BANP: variants seen among roughly 807,000 people sequenced by gnomAD.
BANP encodes the protein protein BANP.
In BANP, 11 loss-of-function variants were observed where a neutral mutation model predicts 68.1. The observed-to-expected ratio is 0.16, with a 90% CI of 0.10 to 0.27. BANP has a LOEUF of 0.27. Among genes scored for constraint, BANP ranks in the 10% least tolerant of loss-of-function variants. The pLI is 1.00. For missense variants in BANP, 504 were observed against 722.7 expected, an observed-to-expected ratio of 0.70 and a Z score of 3.47; for synonymous variants, 329 against 303.2, an observed-to-expected ratio of 1.09 and a Z score of -0.88.
chr16:88,004,261 CCTT>C lies in BANP; in HGVS notation c.363-30_363-28del, dbSNP rs559445754. 1.8e-5 allele frequency: 23 copies of C among 1,273,072 alleles called. No individual in the cohort carries two copies. The East Asian group carries it at 5.3e-4, about 29-fold the overall frequency. The allele number at this position is 1,273,072 out of a possible 1,614,324, so 78.9% of individuals were successfully genotyped here. ...TACCATGAATGTTGTTGTTTTAAGG[CCTT>C]CTTTTTCTTTGTGATTCTTTTGTTC... is the stretch of plus-strand genomic sequence containing the variant. On this transcript the variant is annotated intron_variant, in intron 4 of 13. Transcript: ENST00000682872. The surrounding 1 kb of genome is among the most constrained non-coding windows in gnomAD (Gnocchi z 7.0).
Position 88,071,969 on chromosome 16 carries a change from G to T in BANP, c.1378-100G>T. 1 of 1,474,260 alleles carries T rather than the reference G, an allele frequency of 6.8e-7. No homozygotes were observed. The highest frequency in any genetic ancestry group is 9.1e-7 in the Non-Finnish European group (1 of 1,093,022). The allele number at this position is 1,474,260 out of a possible 1,614,324, so 91.3% of individuals were successfully genotyped here. ...CCGTGTCCCTGCCGCTCAGGGGACA[G>T]CACGTGTGGGCTGGGGTCTGCGGTC... On this transcript the variant is annotated intron_variant, in intron 12 of 13. Coordinates refer to ENST00000682872, the MANE Select transcript of BANP (RefSeq NM_001386991.1). This position sits in a 1 kb window ranked among gnomAD's most constrained non-coding sequence, Gnocchi z 6.5.
intron 1 of BANP, among the ~76,000 whole-genome samples, chr16:87,967,663 C>T (rs1478560686): frequency 1.4e-5 from 2 of 143,702 alleles, no homozygotes; most frequent in African/African-American, 5.2e-5. Flanking sequence ...ACTCTGTCGC[C>T]CAGGCTGGAG....
chr16:87,995,544 A>G (rs1237840566), intron 4 of BANP, among the ~76,000 whole-genome samples: 1 of 152,328 alleles, frequency 6.6e-6, no homozygotes, highest in East Asian at 1.9e-4. Flanking sequence ...AATTCATAAA[A>G]ATTAGAAAAG....
chr16:87,957,251 C>G lies in BANP; in HGVS notation c.-69+5736C>G, dbSNP rs1176939040. ...GGCGCGGTGCTCCATTCGGAACCCA[C>G]AGGTCGCCAGCTTACAGCGTGGGAG... is the stretch of plus-strand genomic sequence containing the variant. On this transcript the variant is annotated intron_variant, in intron 1 of 13. Transcript: ENST00000682872. The surrounding 1 kb of genome is among the most constrained non-coding windows in gnomAD (Gnocchi z 4.3). 2.0e-5 allele frequency among the ~76,000 whole-genome samples: 3 copies of G among 152,208 alleles called. No homozygotes were observed. The highest frequency in any genetic ancestry group is 4.4e-5 in the Non-Finnish European group (3 of 68,048).
chr16:88,063,869 C>A (rs1468771152), intron 11 of BANP, among the ~76,000 whole-genome samples: 2 of 152,086 alleles, frequency 1.3e-5, no homozygotes, highest in Non-Finnish European at 2.9e-5. Context: ...GGTAGGCATA[C>A]CCAAGTGGTG....
At chr16:88,073,006 C>T (rs1426262700) in intron 13 of BANP, among the ~76,000 whole-genome samples, 4 of 152,216 alleles carry the variant, frequency 2.6e-5, no homozygotes, top group Admixed American at 1.3e-4. Context: ...GCTGGTGATC[C>T]ACCTGTGTCT....
At chr16:88,033,618 T>G (rs1036108310) in intron 9 of BANP, among the ~76,000 whole-genome samples, 5 of 152,166 alleles carry the variant, frequency 3.3e-5, no homozygotes, top group African/African-American at 1.2e-4. Flanking sequence ...GTGCAGGCGC[T>G]CTCTTACTGA....
chr16:88,035,876 A>G (rs1273390184), intron 10 of BANP, among the ~76,000 whole-genome samples: 1 of 152,226 alleles, frequency 6.6e-6, no homozygotes, highest in Non-Finnish European at 1.5e-5. Context: ...GCCAGTCCTG[A>G]GAGCTGCTCA....
chr16:87,992,269 A>G (rs2066052003), intron 4 of BANP, among the ~76,000 whole-genome samples: 1 of 152,172 alleles, frequency 6.6e-6, no homozygotes, highest in South Asian at 2.1e-4. Context: ...ATATTTAATG[A>G]AGAGTTTTTG....
intron 6 of BANP, among the ~76,000 whole-genome samples, chr16:88,015,714 G>A (rs993601722): frequency 2.6e-5 from 4 of 152,372 alleles, no homozygotes; most frequent in Non-Finnish European, 4.4e-5. Context: ...CCGAGGTCTC[G>A]CGCTCCAGGA....
intron 6 of BANP, among the ~76,000 whole-genome samples, chr16:88,016,410 T>C (rs1421302634): frequency 6.6e-6 from 1 of 152,192 alleles, no homozygotes; most frequent in Non-Finnish European, 1.5e-5. Context: ...CTTCAGATCT[T>C]GGAGACTGGA....
At chr16:88,021,478 G>T (rs561213883) in intron 7 of BANP, among the ~76,000 whole-genome samples, 1 of 152,226 alleles carries the variant, frequency 6.6e-6, no homozygotes, top group Non-Finnish European at 1.5e-5. Flanking sequence ...CCACAGGGCC[G>T]TGTGGAGGGG....
rs1364791333 is a variant in BANP, at chr16:87,984,085, C to T, written c.188C>T (p.Thr63Ile). 5 of 1,614,070 alleles carry T rather than the reference C, an allele frequency of 3.1e-6. No individual in the cohort carries two copies. The highest frequency in any genetic ancestry group is 4.2e-6 in the Non-Finnish European group (5 of 1,179,978). ...TCATTCCTGTATTCCATCAACCAGACAATCTGCTTGCGGTTGGATAGCATT... is the reference window on the plus strand; with the variant it reads ...TCATTCCTGTATTCCATCAACCAGATAATCTGCTTGCGGTTGGATAGCATT... ...IKSFLYSINQ[T>I]ICLRLDSIEA... Residue 63 changes from threonine to isoleucine, a missense_variant, in exon 4 of 14, where the codon ACA (threonine) becomes ATA (isoleucine). Physicochemically the swap from Thr to Ile is moderately conservative, Grantham distance 89 (BLOSUM62 -1). Around this residue, in one of 3 missense-constraint regions of BANP, gnomAD observed 238 missense variants for 278.9 expected, o/e 0.85. Transcript: ENST00000682872.
intron 11 of BANP, among the ~76,000 whole-genome samples, chr16:88,043,884 A>G (rs1040737953): frequency 3.5e-5 from 5 of 142,080 alleles, no homozygotes; most frequent in African/African-American, 1.5e-4. Context: ...CTGAAAAACA[A>G]AAAAAGCCCT....
intron 1 of BANP, among the ~76,000 whole-genome samples, chr16:87,971,837 G>T (rs1177157602): frequency 6.6e-6 from 1 of 152,118 alleles, no homozygotes; most frequent in Non-Finnish European, 1.5e-5. Flanking sequence ...CTGTTGTCCA[G>T]GGTGGAGTGT....
intron 11 of BANP, among the ~76,000 whole-genome samples, chr16:88,056,461 C>T (rs200847052): frequency 1.3e-4 from 16 of 119,714 alleles, no homozygotes; most frequent in African/African-American, 4.0e-4. Flanking sequence ...TATTCTCTCT[C>T]TTTTTTTTTT....
chr16:88,024,608 C>T (rs898936152), intron 7 of BANP, among the ~76,000 whole-genome samples: 1 of 152,176 alleles, frequency 6.6e-6, no homozygotes, highest in African/African-American at 2.4e-5. Context: ...GTAGCATCTG[C>T]GGGCGGCGCC....
intron 11 of BANP, among the ~76,000 whole-genome samples, chr16:88,048,859 C>T (rs919170577): frequency 6.6e-6 from 1 of 150,848 alleles, no homozygotes; most frequent in African/African-American, 2.4e-5. Context: ...ATCGAATTGG[C>T]GCTCACCACA....
intron 3 of BANP, among the ~76,000 whole-genome samples, chr16:87,982,275 G>T (rs1043091552): frequency 1.7e-4 from 26 of 152,308 alleles, no homozygotes; most frequent in African/African-American, 6.3e-4. Context: ...AAGAGGGTGG[G>T]CCCCCGGTTG....
Sources: gnomAD v4.1 joint callset for allele counts (sites outside exome capture counted in the v4.1 genomes callset) on GRCh38, gnomAD v4.1.1 for gene constraint, gnomAD v4.1.1 regional missense constraint, Gnocchi (gnomAD v3.1) non-coding constraint, MANE v1.5 for transcripts, NCBI Gene and HGNC (gene_info 2026-07-23, HGNC 2026-07-21) for gene names.